GPC6: variants seen among roughly 807,000 people sequenced by gnomAD.
GPC6 encodes the protein glypican-6.
GPC6 carries 14 observed loss-of-function variants against 55.2 expected under a neutral mutation model. The ratio of observed to expected loss-of-function variants is 0.25; its 90% CI spans 0.17 to 0.40. The LOEUF (loss-of-function observed/expected upper bound fraction) is 0.40, where lower values mean the gene tolerates loss of function less well. Ranked by LOEUF, GPC6 falls within the 10% of genes least tolerant of loss-of-function variation. GPC6 has a pLI of 1.00. For synonymous variants in GPC6, 278 were observed against 259.6 expected (o/e 1.07, Z -0.68); for missense variants, 641 against 708.5 (o/e 0.90, Z 1.08).
chr13:93,446,134 A>G lies in GPC6; in HGVS notation c.161-99129A>G, dbSNP rs144116243. ...TTCACTTTTTAAAATTCAATTGTACATATATTTTTTAAACTTCCTAAGGTT... is the reference window on the plus strand; with the variant it reads ...TTCACTTTTTAAAATTCAATTGTACGTATATTTTTTAAACTTCCTAAGGTT... On this transcript the variant is annotated intron_variant, in intron 1 of 8. Transcript: ENST00000377047. 2.4e-3 allele frequency among the ~76,000 whole-genome samples: 359 copies of G among 152,288 alleles called. 2 individuals carry two copies. The highest frequency in any genetic ancestry group is 8.0e-3 in the African/African-American group (331 of 41,558).
intron 2 of GPC6, among the ~76,000 whole-genome samples, chr13:93,709,288 C>G (rs947325197): frequency 6.6e-6 from 1 of 151,754 alleles, no homozygotes; most frequent in Non-Finnish European, 1.5e-5. Flanking sequence ...TCTTAACCTT[C>G]CCAAGACTTA....
chr13:93,610,002 AT>A (rs2139537986), intron 2 of GPC6, among the ~76,000 whole-genome samples: 1 of 152,324 alleles, frequency 6.6e-6, no homozygotes, highest in Admixed American at 6.5e-5. Context: ...CCCCTGAAGC[AT>A]TTCTCTTCTG....
At chr13:93,462,461 T>G (rs1878728491) in intron 1 of GPC6, among the ~76,000 whole-genome samples, 2 of 152,126 alleles carry the variant, frequency 1.3e-5, no homozygotes, top group Non-Finnish European at 2.9e-5. Flanking sequence ...CCTCCAATGT[T>G]ACATTAGGAT....
intron 1 of GPC6, among the ~76,000 whole-genome samples, chr13:93,393,976 T>C (rs1023008680): frequency 6.6e-6 from 1 of 152,172 alleles, no homozygotes; most frequent in Non-Finnish European, 1.5e-5. Flanking sequence ...AAAAAAGAGT[T>C]GTCTCTCTTT....
intron 2 of GPC6, among the ~76,000 whole-genome samples, chr13:93,724,725 C>T (rs1209604855): frequency 6.6e-6 from 1 of 151,894 alleles, no homozygotes; most frequent in Non-Finnish European, 1.5e-5. Context: ...TTTTGTTATA[C>T]TTTTGGATCA....
intron 4 of GPC6, among the ~76,000 whole-genome samples, chr13:94,223,957 C>A (rs1444003373): frequency 2.0e-5 from 3 of 151,628 alleles, no homozygotes; most frequent in East Asian, 3.9e-4. Flanking sequence ...GCTCTGCCTT[C>A]TTGTTTCGGC....
chr13:93,297,052 G>T (rs1878520829), intron 1 of GPC6, among the ~76,000 whole-genome samples: 1 of 152,296 alleles, frequency 6.6e-6, no homozygotes, highest in South Asian at 2.1e-4. Flanking sequence ...CTGTCCTTCA[G>T]CTTCAGCCGC....
intron 4 of GPC6, among the ~76,000 whole-genome samples, chr13:94,223,117 T>C (rs1299425612): frequency 6.6e-6 from 1 of 152,128 alleles, no homozygotes; most frequent in African/African-American, 2.4e-5. Context: ...CAAAGCTACA[T>C]AAAGTGTTTT....
At chr13:94,168,004 T>TA (rs2138924585) in intron 4 of GPC6, among the ~76,000 whole-genome samples, 1 of 152,350 alleles carries the variant, frequency 6.6e-6, no homozygotes, top group East Asian at 1.9e-4. Flanking sequence ...AAAATGCTTA[T>TA]ATAATATTTA....
chr13:94,035,948 A>G (rs1883318360), intron 4 of GPC6, among the ~76,000 whole-genome samples: 1 of 152,022 alleles, frequency 6.6e-6, no homozygotes, highest in Non-Finnish European at 1.5e-5. Context: ...AACAATTATA[A>G]AAGAGACTGC....
chr13:93,773,420 G>A (rs1307366899), intron 2 of GPC6, among the ~76,000 whole-genome samples: 2 of 152,044 alleles, frequency 1.3e-5, no homozygotes, highest in Admixed American at 6.6e-5. Flanking sequence ...TGATGAAAAA[G>A]ACAGGGAATG....
At chr13:93,565,491 T>G (rs1392178098) in intron 2 of GPC6, among the ~76,000 whole-genome samples, 1 of 152,222 alleles carries the variant, frequency 6.6e-6, no homozygotes, top group Non-Finnish European at 1.5e-5. Context: ...GAGAGTATCT[T>G]GATCGTTTCT....
intron 3 of GPC6, among the ~76,000 whole-genome samples, chr13:93,910,662 A>T (rs1012192640): frequency 1.2e-4 from 19 of 152,156 alleles, no homozygotes; most frequent in African/African-American, 4.3e-4. Context: ...TCAATGGAAG[A>T]TATAAAATAC....
intron 2 of GPC6, among the ~76,000 whole-genome samples, chr13:93,573,658 A>T (rs1876518416): frequency 6.6e-6 from 1 of 152,120 alleles, no homozygotes; most frequent in Non-Finnish European, 1.5e-5. Context: ...AGCAATCGAG[A>T]CCTAGTTCAT....
intron 3 of GPC6, among the ~76,000 whole-genome samples, chr13:93,918,079 A>G (rs1206472348): frequency 6.1e-5 from 9 of 146,358 alleles, no homozygotes; most frequent in African/African-American, 2.3e-4. Context: ...CCTGGGTGAC[A>G]TAGAGAGACT....
At chr13:93,584,170 C>G (rs1369453236) in intron 2 of GPC6, among the ~76,000 whole-genome samples, 1 of 152,154 alleles carries the variant, frequency 6.6e-6, no homozygotes, top group Non-Finnish European at 1.5e-5. Flanking sequence ...TCCCATGGAT[C>G]ATTCTGAGAT....
At chr13:93,446,238 C>G (rs1204112937) in intron 1 of GPC6, among the ~76,000 whole-genome samples, 1 of 152,114 alleles carries the variant, frequency 6.6e-6, no homozygotes, top group Non-Finnish European at 1.5e-5. Context: ...CTCCTGCAAG[C>G]TCCTTTCACT....
chr13:94,311,680 A>G (rs552835476), intron 6 of GPC6, among the ~76,000 whole-genome samples: 6 of 152,200 alleles, frequency 3.9e-5, no homozygotes, highest in Admixed American at 1.3e-4. Flanking sequence ...TCCCCTGAGT[A>G]CTATCCCCAT....
chr13:93,831,984 G>T (rs1594499758), intron 3 of GPC6, among the ~76,000 whole-genome samples: 2 of 145,614 alleles, frequency 1.4e-5, no homozygotes, highest in South Asian at 4.5e-4. Context: ...CAGCTACTCT[G>T]GAGGCTGAGG....
Sources: allele counts gnomAD v4.1 joint callset (sites outside exome capture counted in the v4.1 genomes callset), GRCh38; gene constraint gnomAD v4.1.1; transcripts MANE v1.5; gene names NCBI Gene and HGNC (gene_info 2026-07-23, HGNC 2026-07-21).